Variants in SPACA7 observed in about 807,000 individuals in gnomAD.
SPACA7 encodes the protein sperm acrosome associated 7.
Under a neutral mutation model 26.3 loss-of-function variants are expected in SPACA7, and 19 were observed. That is an observed-to-expected ratio of 0.72 (90% CI 0.50 to 1.06). The LOEUF (loss-of-function observed/expected upper bound fraction) is 1.06, where lower values mean the gene tolerates loss of function less well. Among genes scored for constraint, SPACA7 ranks in the 50% least tolerant of loss-of-function variants. SPACA7 has a pLI of 0.00. For synonymous variants in SPACA7, 84 were observed against 84.5 expected, an observed-to-expected ratio of 0.99 and a Z score of 0.04; for missense variants, 211 against 229.9, an observed-to-expected ratio of 0.92 and a Z score of 0.53.
chr13:112,381,076 T>A (rs1209610034), intron 1 of SPACA7, among the ~76,000 whole-genome samples: 1 of 152,230 alleles, frequency 6.6e-6, no homozygotes, highest in African/African-American at 2.4e-5. Flanking sequence ...CTTTGCTTAG[T>A]ACTGAGTGTT....
At chr13:112,391,090 C>T (rs9577732) in intron 1 of SPACA7, among the ~76,000 whole-genome samples, 12,143 of 152,202 alleles carry the variant, frequency 0.08, 1,042 homozygotes, top group East Asian at 0.28. Context: ...CCAGAGCTGG[C>T]TTCTTCTTAC....
Sources: allele counts gnomAD v4.1 joint callset (sites outside exome capture counted in the v4.1 genomes callset), GRCh38; gene constraint gnomAD v4.1.1; transcripts MANE v1.5; gene names NCBI Gene and HGNC (gene_info 2026-07-23, HGNC 2026-07-21).